The following ZSCAN20 variants were observed in gnomAD, a reference collection of about 807,000 sequenced individuals.
The protein encoded by ZSCAN20 is zinc finger and SCAN domain containing 20.
A neutral mutation model predicts 97.1 loss-of-function variants in ZSCAN20; 39 were observed. That is an observed-to-expected ratio of 0.40 (90% CI 0.31 to 0.52). The LOEUF is 0.52. Ranked by LOEUF, ZSCAN20 falls within the 20% of genes least tolerant of loss-of-function variation. The pLI is 0.49. For synonymous variants in ZSCAN20, 456 were observed against 467.3 expected, an observed-to-expected ratio of 0.98 and a Z score of 0.31; for missense variants, 1,115 against 1,290.4, an observed-to-expected ratio of 0.86 and a Z score of 2.08.
intron 2 of ZSCAN20, among the ~76,000 whole-genome samples, chr1:33,486,617 C>A (rs1482505611): frequency 6.6e-6 from 1 of 152,180 alleles, no homozygotes; most frequent in Non-Finnish European, 1.5e-5. Flanking sequence ...GAATCTACTT[C>A]TTTCTGTGTC....
At chr1:33,484,619 C>CTTTTTT (rs34906889) in intron 2 of ZSCAN20, among the ~76,000 whole-genome samples, 1 of 133,482 alleles carries the variant, frequency 7.5e-6, no homozygotes, top group African/African-American at 2.8e-5. Context: ...GATTTTGCAT[C>CTTTTTT]TTTTTTTTTT....
rs1652722815 is a variant in ZSCAN20 at position 33,493,744 on chromosome 1, C to T, written c.1873+129C>T. 2 of 1,053,188 alleles carry T rather than the reference C, an allele frequency of 1.9e-6. No homozygotes were observed. The highest frequency in any genetic ancestry group is 2.7e-6 in the Non-Finnish European group (2 of 744,452). 65.2% of individuals were successfully genotyped at this position (1,053,188 alleles called of 1,614,324 possible). ...GATTGAATGGGAAAAAGTATTTCTG[C>T]TTTGCTCAGATTATCCAGTCTCTAG... is the stretch of plus-strand genomic sequence containing the variant. On this transcript the variant is annotated intron_variant, in intron 7 of 7. Coordinates refer to ENST00000684572, the MANE Select transcript of ZSCAN20 (RefSeq NM_001377376.1). The surrounding 1 kb of genome is among the most constrained non-coding windows in gnomAD (Gnocchi z 4.3).
At chr1:33,488,405 A>G in intron 2 of ZSCAN20, 60 bp from the exon 3 acceptor site, 1 of 1,572,142 alleles carries the variant, frequency 6.4e-7, no homozygotes, top group Non-Finnish European at 8.6e-7. Context: ...AGTTGTACTC[A>G]AAATACCAAA....
chr1:33,500,127 A>C lies in ZSCAN20; in HGVS notation c.*4651A>C, dbSNP rs144422857. Among the ~76,000 whole-genome samples the C allele has an allele frequency of 0.015, 2,254 of 152,222 alleles. 32 individuals carry two copies. The highest frequency in any genetic ancestry group is 0.034 in the Middle Eastern group (10 of 294). On this transcript the variant is annotated 3_prime_UTR_variant, in exon 8 of 8. Transcript: ENST00000684572. ...TCCCAGCATCACTATTACTGCTAGC[A>C]TGTCTTTAGCATCATTTTGCCCTCC...
rs751016183 is a variant in ZSCAN20, at chr1:33,493,524, T to C, written c.1782T>C (p.Ser594=). The C allele has an allele frequency of 6.2e-7, 1 of 1,613,670 alleles. No homozygotes were observed. Among genetic ancestry groups the C allele is most frequent in the Non-Finnish European group, 8.5e-7 (1 of 1,179,664 alleles). The change falls in exon 7 of 8, where the codon AGT becomes AGC. Residue 594 remains serine, a synonymous_variant. Coordinates refer to ENST00000684572, the MANE Select transcript of ZSCAN20 (RefSeq NM_001377376.1). This position sits in a 1 kb window ranked among gnomAD's most constrained non-coding sequence, Gnocchi z 4.3. Reference sequence around the variant, plus strand: ...GTCTCCCTAGGTGTGGGCAGAGTAGTGCTGAGACTGATGCCCAGGAGGCCT... The same window carrying C: ...GTCTCCCTAGGTGTGGGCAGAGTAGCGCTGAGACTGATGCCCAGGAGGCCT... The part of the protein sequence containing the change: ...AAGLPRCGQS[S]AETDAQEAWG...
In ZSCAN20 at chr1:33,493,385, G is replaced by T; in HGVS notation, c.1643G>T (p.Arg548Leu). 1 of 1,614,186 alleles carries T rather than the reference G, an allele frequency of 6.2e-7. No individual in the cohort carries two copies. Reference sequence around the variant, plus strand: ...TTCAAAAACCTCCTTCGAAGCTACCGGAAAGCCAAGAGCAGCCACCCACCA... The same window carrying T: ...TTCAAAAACCTCCTTCGAAGCTACCTGAAAGCCAAGAGCAGCCACCCACCA... Reference protein sequence around the residue: ...YRFKNLLRSYRKAKSSHPPGT... With the variant: ...YRFKNLLRSYLKAKSSHPPGT... The change falls in exon 7 of 8, where the codon CGG becomes CTG. Residue 548 changes from arginine to leucine, a missense_variant. Coordinates refer to ENST00000684572, the MANE Select transcript of ZSCAN20 (RefSeq NM_001377376.1). This position sits in a 1 kb window ranked among gnomAD's most constrained non-coding sequence, Gnocchi z 4.3.
intron 2 of ZSCAN20, among the ~76,000 whole-genome samples, chr1:33,481,845 C>T (rs145178798): frequency 4.6e-5 from 7 of 152,158 alleles, no homozygotes; most frequent in African/African-American, 1.7e-4. Flanking sequence ...CAGATGCCCC[C>T]TCTCCATCAG....
rs1652922529 is a variant in ZSCAN20 at position 33,497,643 on chromosome 1, A to T, written c.*2167A>T. Among the ~76,000 whole-genome samples, 1 of 152,108 alleles carries T rather than the reference A, an allele frequency of 6.6e-6. No individual in the cohort carries two copies. Among genetic ancestry groups the T allele is most frequent in the Non-Finnish European group, 1.5e-5 (1 of 68,022 alleles). On this transcript the variant is annotated 3_prime_UTR_variant, in exon 8 of 8. Transcript: ENST00000684572. Reference sequence around the variant, plus strand: ...GGAACTTGGACATGCTGCAATTAGGATGGCCTTTTGGGACACTGTTGTGGT... The same window carrying T: ...GGAACTTGGACATGCTGCAATTAGGTTGGCCTTTTGGGACACTGTTGTGGT...
rs966350372 is a variant in ZSCAN20, at chr1:33,497,417, G to A, written c.*1941G>A. Among the ~76,000 whole-genome samples, 32 of 152,180 alleles carry A rather than the reference G, an allele frequency of 2.1e-4. No homozygotes were observed. Among genetic ancestry groups the A allele is most frequent in the African/African-American group, 6.3e-4 (26 of 41,436 alleles). ...GAAGGATCCTGAGGTGAGGGAGAGG[G>A]AGGGAATTCCAGGGAAAGGCACTGT... is the stretch of plus-strand genomic sequence containing the variant. On this transcript the variant is annotated 3_prime_UTR_variant, in exon 8 of 8. Transcript: ENST00000684572.
intron 2 of ZSCAN20, among the ~76,000 whole-genome samples, chr1:33,483,469 G>A (rs1652232609): frequency 6.6e-6 from 1 of 151,836 alleles, no homozygotes; most frequent in Non-Finnish European, 1.5e-5. Flanking sequence ...CTTGAAGTCA[G>A]GTGTGTCATT....
chr1:33,490,379 C>T (rs534997488), intron 5 of ZSCAN20, among the ~76,000 whole-genome samples: 26 of 152,096 alleles, frequency 1.7e-4, no homozygotes, highest in African/African-American at 4.3e-4. Context: ...TTGTTAGGGC[C>T]GGGAGCTGTT....
chr1:33,491,328 A>G lies in ZSCAN20; in HGVS notation c.1070A>G (p.Tyr357Cys), dbSNP rs1652597929. Residue 357 changes from tyrosine (Y) to cysteine (C), a missense_variant, in exon 6 of 8, where the codon TAT (tyrosine) becomes TGT (cysteine). Coordinates refer to ENST00000684572, the MANE Select transcript of ZSCAN20 (RefSeq NM_001377376.1). The surrounding 1 kb of genome is among the most constrained non-coding windows in gnomAD (Gnocchi z 4.3). ...ACTTGTCACCAGAACCGCCAGGTAT[A>G]TCGGGCCATTGCAGAGCAGCTAAGG... ...LRTCHQNRQV[Y>C]RAIAEQLRAR... 6.2e-7 allele frequency: 1 copy of G among 1,614,148 alleles called. No individual in the cohort carries two copies. Among genetic ancestry groups the G allele is most frequent in the Non-Finnish European group, 8.5e-7 (1 of 1,179,984 alleles).
chr1:33,484,493 A>ACCC (rs1652279259), intron 2 of ZSCAN20, among the ~76,000 whole-genome samples: 1 of 152,062 alleles, frequency 6.6e-6, no homozygotes, highest in Non-Finnish European at 1.5e-5. Flanking sequence ...GGGTTACATT[A>ACCC]ATTGATTTTC....
intron 1 of ZSCAN20, among the ~76,000 whole-genome samples, chr1:33,475,471 G>A (rs1442472382): frequency 6.6e-6 from 1 of 152,128 alleles, no homozygotes; most frequent in Non-Finnish European, 1.5e-5. Context: ...ATGAGAATTC[G>A]CTTGTATTAG....
intron 2 of ZSCAN20, among the ~76,000 whole-genome samples, chr1:33,484,716 G>C (rs1314842525): frequency 1.3e-5 from 2 of 151,630 alleles, no homozygotes; most frequent in African/African-American, 4.9e-5. Flanking sequence ...CTGCCTCCTG[G>C]GTTCAAGTGA....
chr1:33,497,337 A>AGATG lies in ZSCAN20; in HGVS notation c.*1862_*1865dup, dbSNP rs1264589253. On this transcript the variant is annotated 3_prime_UTR_variant, in exon 8 of 8. Coordinates refer to ENST00000684572, the MANE Select transcript of ZSCAN20 (RefSeq NM_001377376.1). ...GGATGAACCCTGGATAGAAGTCAGC[A>AGATG]GATGTCAGTAACTGCAGTAATACAG... Among the ~76,000 whole-genome samples the AGATG allele has an allele frequency of 3.3e-5, 5 of 152,228 alleles. No homozygotes were observed. The highest frequency in any genetic ancestry group is 1.2e-4 in the African/African-American group (5 of 41,462).
chr1:33,497,812 T>C lies in ZSCAN20; in HGVS notation c.*2336T>C, dbSNP rs1652927727. ...GGTGACTGGGTAGAGCATGTCCTCATTCAGAATTGGGAGCACAAGGAGGAG... is the reference window on the plus strand; with the variant it reads ...GGTGACTGGGTAGAGCATGTCCTCACTCAGAATTGGGAGCACAAGGAGGAG... On this transcript the variant is annotated 3_prime_UTR_variant, in exon 8 of 8. Transcript: ENST00000684572. Among the ~76,000 whole-genome samples the C allele has an allele frequency of 6.6e-6, 1 of 151,980 alleles. No homozygotes were observed. Among genetic ancestry groups the C allele is most frequent in the African/African-American group, 2.4e-5 (1 of 41,366 alleles).
At position 33,500,100 on chromosome 1, in the gene ZSCAN20, AC is replaced by A. The variant is rs1464131607; in HGVS notation, c.*4625del. On this transcript the variant is annotated 3_prime_UTR_variant, in exon 8 of 8. Transcript: ENST00000684572. ...CCACAGCTCCTGGCTGTTTCTTCAC[AC>A]TCCCAGCATCACTATTACTGCTAGC... Among the ~76,000 whole-genome samples, 1 of 151,048 alleles carries A rather than the reference AC, an allele frequency of 6.6e-6. No homozygotes were observed. Among genetic ancestry groups the A allele is most frequent in the Non-Finnish European group, 1.5e-5 (1 of 67,832 alleles).
In ZSCAN20 at chr1:33,490,669, ACACACACACACACAC is replaced by A. The variant is rs1470075301; in HGVS notation, c.767-348_767-334del. Among the ~76,000 whole-genome samples the A allele has an allele frequency of 5.3e-5, 3 of 56,888 alleles. 1 individual carries two copies. Among genetic ancestry groups the A allele is most frequent in the South Asian group, 1.0e-3 (2 of 2,010 alleles). The allele number at this position is 56,888 out of a possible 152,430, so 37.3% of individuals were successfully genotyped here. A position where few individuals can be genotyped will look rare whatever the true frequency, so the allele number is the denominator to read the frequency against. On this transcript the variant is annotated intron_variant, in intron 5 of 7. Coordinates refer to ENST00000684572, the MANE Select transcript of ZSCAN20 (RefSeq NM_001377376.1). ...CACACAAACACACACACACACACAC[ACACACACACACACAC>A]CACACACCCTTTTCCTCCAGCCATG...
Sources: allele counts gnomAD v4.1 joint callset (sites outside exome capture counted in the v4.1 genomes callset), GRCh38; gene constraint gnomAD v4.1.1; non-coding constraint Gnocchi (gnomAD v3.1); transcripts MANE v1.5; gene names NCBI Gene and HGNC (gene_info 2026-07-23, HGNC 2026-07-21).